The following ZNF101 variants were observed in gnomAD, a reference collection of about 807,000 sequenced individuals.
The protein encoded by ZNF101 is zinc finger protein 101.
A neutral mutation model predicts 42.6 loss-of-function variants in ZNF101; 34 were observed. The ratio of observed to expected loss-of-function variants is 0.80; its 90% CI spans 0.61 to 1.06. ZNF101 has a LOEUF of 1.06. Ranked by LOEUF, ZNF101 falls within the 50% of genes least tolerant of loss-of-function variation. The probability of loss-of-function intolerance (pLI) is 0.00; values close to 1 mark genes in which losing one functional copy is unlikely to be tolerated. For synonymous variants in ZNF101, 158 were observed against 183.9 expected, an observed-to-expected ratio of 0.86 and a Z score of 1.14; for missense variants, 466 against 530.9, an observed-to-expected ratio of 0.88 and a Z score of 1.20.
rs138381823 is a variant in ZNF101, at chr19:19,679,565, T to C, written c.576T>C (p.Thr192=). ...NLFQIHQRTH[T]GKRSYKCREI... is the part of the protein sequence containing the mutation. Reference sequence around the variant, plus strand: ...TTCAAATCCATCAAAGAACTCACACTGGAAAGAGGTCCTATAAATGTAGGG... The same window carrying C: ...TTCAAATCCATCAAAGAACTCACACCGGAAAGAGGTCCTATAAATGTAGGG... The change falls in exon 4 of 4, where the codon ACT becomes ACC. Residue 192 remains threonine, a synonymous_variant. Transcript: ENST00000592502. 2.0e-4 allele frequency: 317 copies of C among 1,614,136 alleles called. No individual in the cohort carries two copies. The African/African-American group carries it at 3.5e-3, about 18-fold the overall frequency.
At position 19,668,924 on chromosome 19, in the gene ZNF101, T is replaced by C; in HGVS notation, c.-40T>C. On this transcript the variant is annotated 5_prime_UTR_variant, in exon 1 of 4. Coordinates refer to ENST00000592502, the MANE Select transcript of ZNF101 (RefSeq NM_033204.4). ...GTCGTGTGGGACCTGTTCTGGCTGC[T>C]CCAGCCCCAGGAAGGACCCAGGACA... The C allele has an allele frequency of 6.3e-7, 1 of 1,576,128 alleles. No individual in the cohort carries two copies. The highest frequency in any genetic ancestry group is 8.6e-7 in the Non-Finnish European group (1 of 1,161,400).
At chr19:19,676,291 T>C (rs891305557) in intron 1 of ZNF101, 1 of 152,092 alleles carries the variant, frequency 6.6e-6, no homozygotes, top group Admixed American at 6.6e-5. Flanking sequence ...CTAATTTTTC[T>C]ATTTTTAATA....
intron 1 of ZNF101, 46 bp downstream of exon 1, chr19:19,669,012 T>C: frequency 6.4e-7 from 1 of 1,564,698 alleles, no homozygotes; most frequent in African/African-American, 1.4e-5. Context: ...GAGGAGCTGG[T>C]CGGAACCGGC....
intron 2 of ZNF101, 57 bp from the exon 3 acceptor site, chr19:19,678,669 G>GTGATTTTTC (rs2062217855): frequency 2.1e-6 from 3 of 1,454,832 alleles, no homozygotes; most frequent in Non-Finnish European, 2.8e-6. Flanking sequence ...TTAGAACCTA[G>GTGATTTTTC]TGATTTTTCT....
rs141131035 is a variant in ZNF101 at position 19,683,408 on chromosome 19, A to G, written c.*3108A>G. ...GACTTAAGGATAGCCCTGTGATATG[A>G]CAATATTTTTATCTAATCTGATGGA... On this transcript the variant is annotated 3_prime_UTR_variant, in exon 4 of 4. Coordinates refer to ENST00000592502, the MANE Select transcript of ZNF101 (RefSeq NM_033204.4). 3.3e-5 allele frequency: 5 copies of G among 152,256 alleles called. No homozygotes were observed. The highest frequency in any genetic ancestry group is 1.2e-4 in the African/African-American group (5 of 41,544). The allele number at this position is 152,256 out of a possible 1,614,324, so 9.4% of individuals were successfully genotyped here. A position where few individuals can be genotyped will look rare whatever the true frequency, so the allele number is the denominator to read the frequency against.
At chr19:19,669,982 T>G (rs2062158477) in intron 1 of ZNF101, among the ~76,000 whole-genome samples, 1 of 152,102 alleles carries the variant, frequency 6.6e-6, no homozygotes, top group Admixed American at 6.6e-5. Flanking sequence ...CAGACAGTCT[T>G]TGGGTGGAGG....
intron 1 of ZNF101, chr19:19,676,171 C>G (rs2062201999): frequency 1.3e-5 from 2 of 152,170 alleles, no homozygotes; most frequent in African/African-American, 4.8e-5. Context: ...CACCTGCTAA[C>G]ATACCCTGCT....
At position 19,679,103 on chromosome 19, in the gene ZNF101, A is replaced by G. The variant is rs1374619251; in HGVS notation, c.192-78A>G. The stretch of plus-strand genomic sequence containing the variant: ...CACTTTTCCTGATTTTGGTAGCAGC[A>G]TAAGTCTTAAGACATGTCAATTAGT... On this transcript the variant is annotated intron_variant, in intron 3 of 3. Coordinates refer to ENST00000592502, the MANE Select transcript of ZNF101 (RefSeq NM_033204.4). The G allele has an allele frequency of 2.0e-6, 3 of 1,535,546 alleles. No homozygotes were observed. In the East Asian group the frequency reaches 6.8e-5, roughly 35 times the overall value.
chr19:19,679,967 A>G lies in ZNF101; in HGVS notation c.978A>G (p.Gln326=), dbSNP rs745879027. 1.2e-6 allele frequency: 2 copies of G among 1,614,058 alleles called. No individual in the cohort carries two copies. The highest frequency in any genetic ancestry group is 8.5e-7 in the Non-Finnish European group (1 of 1,179,994). Reference sequence around the variant, plus strand: ...TCTTTAGATGTCCCACGTCCCTTCAAGCACATGAAAGAGCTCACACTGGAG... The same window carrying G: ...TCTTTAGATGTCCCACGTCCCTTCAGGCACATGAAAGAGCTCACACTGGAG... ...AKVFRCPTSL[Q]AHERAHTGER... Residue 326 remains glutamine (Q), a synonymous_variant, in exon 4 of 4, where the codon CAA becomes CAG. Transcript: ENST00000592502.
chr19:19,679,273 G>C lies in ZNF101; in HGVS notation c.284G>C (p.Ser95Thr). The C allele has an allele frequency of 6.2e-7, 1 of 1,614,186 alleles. No individual in the cohort carries two copies. Among genetic ancestry groups the C allele is most frequent in the Non-Finnish European group, 8.5e-7 (1 of 1,180,034 alleles). ...QIPDCHLNKK[S>T]QTGVKPCKCS... ...CCTGATTGTCACCTGAACAAGAAAA[G>C]TCAAACTGGAGTGAAACCATGCAAA... Residue 95 changes from serine (S) to threonine (T), a missense_variant, in exon 4 of 4, where the codon AGT (serine) becomes ACT (threonine). Coordinates refer to ENST00000592502, the MANE Select transcript of ZNF101 (RefSeq NM_033204.4).
In ZNF101 at chr19:19,679,119, G is replaced by C. The variant is rs1363364050; in HGVS notation, c.192-62G>C. The C allele has an allele frequency of 2.6e-6, 4 of 1,565,432 alleles. No homozygotes were observed. The African/African-American group carries it at 4.1e-5, about 16-fold the overall frequency. ...GGTAGCAGCATAAGTCTTAAGACAT[G>C]TCAATTAGTAGAAAAGCATTAATAA... On this transcript the variant is annotated intron_variant, in intron 3 of 3. Transcript: ENST00000592502.
chr19:19,680,057 T>C lies in ZNF101; in HGVS notation c.1068T>C (p.His356=). ...ATTATCCCAGTTGTTTTCGAAGACA[T>C]AAAAAAACTCATAGTGGAGAAAAGC... The part of the protein sequence containing the change: ...TFNYPSCFRR[H]KKTHSGEKPY... The change falls in exon 4 of 4, where the codon CAT becomes CAC. Residue 356 remains histidine, a synonymous_variant. Transcript: ENST00000592502. The C allele has an allele frequency of 6.2e-7, 1 of 1,613,818 alleles. No individual in the cohort carries two copies. Among genetic ancestry groups the C allele is most frequent in the Non-Finnish European group, 8.5e-7 (1 of 1,179,858 alleles).
chr19:19,678,626 A>AG (rs2062217656), intron 2 of ZNF101, 100 bp from the exon 3 acceptor site: 1 of 1,084,312 alleles, frequency 9.2e-7, no homozygotes, highest in East Asian at 2.7e-5. Context: ...AAAAAAAAAA[A>AG]AAAATCAGGC....
intron 2 of ZNF101, 115 bp from the exon 3 acceptor site, chr19:19,678,611 T>G (rs1164792776): frequency 1.2e-6 from 1 of 831,786 alleles, no homozygotes; most frequent in Non-Finnish European, 1.8e-6. Context: ...TGAGACTTTG[T>G]CTCCAAAAAA....
At position 19,672,139 on chromosome 19, in the gene ZNF101, A is replaced by G. The variant is rs571502037; in HGVS notation, c.3+3173A>G. ...ATATTTATAAGTTGTATGATTATATATATTTATAAATTTTATGTATGATTA... is the reference window on the plus strand; with the variant it reads ...ATATTTATAAGTTGTATGATTATATGTATTTATAAATTTTATGTATGATTA... On this transcript the variant is annotated intron_variant, in intron 1 of 3. Coordinates refer to ENST00000592502, the MANE Select transcript of ZNF101 (RefSeq NM_033204.4). 496 of 148,256 alleles carry G rather than the reference A, an allele frequency of 3.3e-3. 3 individuals carry two copies. The highest frequency in any genetic ancestry group is 0.011 in the African/African-American group (456 of 40,896). 9.2% of individuals were successfully genotyped at this position (148,256 alleles called of 1,614,324 possible).
chr19:19,678,047 A>G lies in ZNF101; in HGVS notation c.130+57A>G, dbSNP rs1483511128. On this transcript the variant is annotated intron_variant, in intron 2 of 3. Transcript: ENST00000592502. ...AGAAGACAAGTGTGTTTTGGTCACC[A>G]GTGTGGTTGCACAGTTTGGAATGTG... 2.5e-6 allele frequency: 4 copies of G among 1,584,242 alleles called. No homozygotes were observed. In the African/African-American group the frequency reaches 4.1e-5, roughly 16 times the overall value.
At chr19:19,673,204 G>T (rs1217726784) in intron 1 of ZNF101, among the ~76,000 whole-genome samples, 2 of 149,810 alleles carry the variant, frequency 1.3e-5, no homozygotes, top group Non-Finnish European at 3.0e-5. Flanking sequence ...GCCTGCCTTG[G>T]CCTCCCAAAG....
rs1206423937 is a variant in ZNF101, at chr19:19,681,187, C to T, written c.*887C>T. The T allele has an allele frequency of 6.6e-6, 1 of 152,168 alleles. No individual in the cohort carries two copies. Among genetic ancestry groups the T allele is most frequent in the African/African-American group, 2.4e-5 (1 of 41,442 alleles). 9.4% of individuals were successfully genotyped at this position (152,168 alleles called of 1,614,324 possible). ...TATGAATGTAAGGAATATGGGAATACATTCAGTTTCCAAAGATATGAAAAG... is the reference window on the plus strand; with the variant it reads ...TATGAATGTAAGGAATATGGGAATATATTCAGTTTCCAAAGATATGAAAAG... On this transcript the variant is annotated 3_prime_UTR_variant, in exon 4 of 4. Transcript: ENST00000592502.
At position 19,679,870 on chromosome 19, in the gene ZNF101, C is replaced by G; in HGVS notation, c.881C>G (p.Ser294Cys). 6.2e-7 allele frequency: 1 copy of G among 1,614,032 alleles called. No homozygotes were observed. Among genetic ancestry groups the G allele is most frequent in the Non-Finnish European group, 8.5e-7 (1 of 1,179,978 alleles). The change falls in exon 4 of 4, where the codon TCC becomes TGC. Residue 294 changes from serine to cysteine, a missense_variant. Ser to Cys is a moderately radical substitution (Grantham distance 112). Coordinates refer to ENST00000592502, the MANE Select transcript of ZNF101 (RefSeq NM_033204.4). ...GAATGTGGGAAAAAACTCAGTTGTT[C>G]CAGTTCCCTTCACAGACATGAAAGA... ...CQECGKKLSC[S>C]SSLHRHERTH...
Sources: allele counts gnomAD v4.1 joint callset (sites outside exome capture counted in the v4.1 genomes callset), GRCh38; gene constraint gnomAD v4.1.1; transcripts MANE v1.5; gene names NCBI Gene and HGNC (gene_info 2026-07-23, HGNC 2026-07-21).